Variants in RERG observed in about 807,000 individuals in gnomAD.
RERG encodes the protein ras-related and estrogen-regulated growth inhibitor.
A neutral mutation model predicts 23.2 loss-of-function variants in RERG; 25 were observed. That is an observed-to-expected ratio of 1.08 (90% CI 0.79 to 1.50). The LOEUF (loss-of-function observed/expected upper bound fraction) is 1.50. Among genes scored for constraint, RERG ranks in the 40% most tolerant of loss-of-function variants. RERG has a pLI of 0.00. For missense variants in RERG, 253 were observed against 250.1 expected (o/e 1.01, Z -0.08); for synonymous variants, 81 against 89.1 (o/e 0.91, Z 0.51).
intron 2 of RERG, among the ~76,000 whole-genome samples, chr12:15,133,798 T>C (rs1171748391): frequency 6.6e-6 from 1 of 151,302 alleles, no homozygotes; most frequent in Non-Finnish European, 1.5e-5. Context: ...TTGCACATTC[T>C]AATAATGTGT....
chr12:15,169,919 AAT>A (rs1491480917), intron 2 of RERG, among the ~76,000 whole-genome samples: 4 of 106,092 alleles, frequency 3.8e-5, no homozygotes, highest in Middle Eastern at 4.6e-3. Context: ...ATCTGCTAAA[AAT>A]GTGTGTGTGT....
Position 15,179,437 on chromosome 12 carries a change from G to A in RERG, c.61+37992C>T, listed in dbSNP as rs541042137. 5.9e-5 allele frequency among the ~76,000 whole-genome samples: 9 copies of A among 152,258 alleles called. No homozygotes were observed. In the East Asian group the frequency reaches 1.4e-3, roughly 23 times the overall value. On this transcript the variant is annotated intron_variant, in intron 2 of 4. Coordinates refer to ENST00000256953, the MANE Select transcript of RERG (RefSeq NM_032918.3). ...ATTAAGGCTGTTGCCATCAATCACT[G>A]TTCAAACCCAGGATAAAAGATCTGT...
At chr12:15,128,688 G>C (rs1041101063) in intron 2 of RERG, among the ~76,000 whole-genome samples, 3 of 152,164 alleles carry the variant, frequency 2.0e-5, no homozygotes, top group African/African-American at 7.2e-5. Context: ...TGTGTTTTCT[G>C]GAAAAACTCT....
chr12:15,165,173 G>A (rs1292015725), intron 2 of RERG, among the ~76,000 whole-genome samples: 1 of 152,108 alleles, frequency 6.6e-6, no homozygotes, highest in Non-Finnish European at 1.5e-5. Flanking sequence ...CTGAGCCCTG[G>A]CTGCATTAGT....
intron 2 of RERG, among the ~76,000 whole-genome samples, chr12:15,193,351 G>T (rs116681486): frequency 6.6e-6 from 1 of 152,058 alleles, no homozygotes; most frequent in Non-Finnish European, 1.5e-5. Flanking sequence ...CTCCTGCCAT[G>T]GGGAACTGTT....
chr12:15,206,781 T>C (rs1225593628), intron 2 of RERG, among the ~76,000 whole-genome samples: 1 of 152,176 alleles, frequency 6.6e-6, no homozygotes, highest in Non-Finnish European at 1.5e-5. Context: ...ACAAAAGTAT[T>C]CATTCATATC....
chr12:15,220,734 G>GA (rs1235487079), intron 1 of RERG, among the ~76,000 whole-genome samples: 1 of 152,142 alleles, frequency 6.6e-6, no homozygotes, highest in Non-Finnish European at 1.5e-5. Context: ...TCTAGGCCTG[G>GA]AAATGAGATT....
intron 2 of RERG, among the ~76,000 whole-genome samples, chr12:15,175,544 G>A (rs772050973): frequency 1.1e-4 from 17 of 151,994 alleles, no homozygotes; most frequent in Non-Finnish European, 1.6e-4. Context: ...TGTAAGTGCA[G>A]CCATCTAGAT....
intron 2 of RERG, among the ~76,000 whole-genome samples, chr12:15,159,772 C>T (rs531310035): frequency 5.3e-5 from 8 of 152,152 alleles, no homozygotes; most frequent in South Asian, 2.1e-4. Flanking sequence ...TGCAGTGAGC[C>T]GAGATTGTGC....
chr12:15,204,516 C>A (rs1865258749), intron 2 of RERG, among the ~76,000 whole-genome samples: 2 of 151,718 alleles, frequency 1.3e-5, no homozygotes, highest in Admixed American at 1.3e-4. Flanking sequence ...GTCTTTTTCT[C>A]CTTCTAATTC....
chr12:15,117,953 T>A (rs894039950), intron 3 of RERG, among the ~76,000 whole-genome samples: 2 of 152,136 alleles, frequency 1.3e-5, no homozygotes, highest in African/African-American at 4.8e-5. Flanking sequence ...TTCATAGACA[T>A]CTGTGTGCTG....
At chr12:15,169,938 GT>G (rs1217164967) in intron 2 of RERG, among the ~76,000 whole-genome samples, 5 of 146,878 alleles carry the variant, frequency 3.4e-5, no homozygotes, top group Non-Finnish European at 6.0e-5. Flanking sequence ...GTGTGTGTGT[GT>G]GTGTGTGTGT....
intron 2 of RERG, among the ~76,000 whole-genome samples, chr12:15,170,679 G>A (rs1411339588): frequency 6.6e-6 from 1 of 152,162 alleles, no homozygotes; most frequent in African/African-American, 2.4e-5. Context: ...GAAGCCTGCA[G>A]AGTTCTGCAG....
intron 2 of RERG, among the ~76,000 whole-genome samples, chr12:15,191,217 A>G (rs1167584474): frequency 6.6e-6 from 1 of 152,174 alleles, no homozygotes; most frequent in Non-Finnish European, 1.5e-5. Context: ...GCTGCCATAC[A>G]TGGTAGCATG....
chr12:15,180,878 G>T (rs1864914436), intron 2 of RERG, among the ~76,000 whole-genome samples: 2 of 152,276 alleles, frequency 1.3e-5, no homozygotes, highest in African/African-American at 4.8e-5. Context: ...CACACAGCCA[G>T]GTGGCTTCTA....
At chr12:15,156,438 A>G (rs1163392622) in intron 2 of RERG, among the ~76,000 whole-genome samples, 1 of 152,188 alleles carries the variant, frequency 6.6e-6, no homozygotes, top group Non-Finnish European at 1.5e-5. Flanking sequence ...GAAGTTTACC[A>G]CAAATACCAC....
intron 2 of RERG, among the ~76,000 whole-genome samples, chr12:15,176,129 G>A (rs896715297): frequency 6.6e-6 from 1 of 152,126 alleles, no homozygotes; most frequent in Non-Finnish European, 1.5e-5. Flanking sequence ...AGAGGTAGAG[G>A]TCCTCATACT....
At chr12:15,185,034 C>G (rs1182585224) in intron 2 of RERG, among the ~76,000 whole-genome samples, 1 of 152,170 alleles carries the variant, frequency 6.6e-6, no homozygotes, top group African/African-American at 2.4e-5. Flanking sequence ...CCCCAGTATT[C>G]ACTTCATTCC....
At chr12:15,156,052 T>A (rs1032775977) in intron 2 of RERG, among the ~76,000 whole-genome samples, 3 of 151,086 alleles carry the variant, frequency 2.0e-5, no homozygotes, top group African/African-American at 4.9e-5. Flanking sequence ...AAACATTTTT[T>A]AAAATAAATA....
Sources: allele counts gnomAD v4.1 joint callset (sites outside exome capture counted in the v4.1 genomes callset), GRCh38; gene constraint gnomAD v4.1.1; transcripts MANE v1.5; gene names NCBI Gene and HGNC (gene_info 2026-07-23, HGNC 2026-07-21).